VPS53: variants seen among roughly 807,000 people sequenced by gnomAD.
VPS53 encodes vacuolar protein sorting-associated protein 53 homolog.
Under a neutral mutation model 107.0 loss-of-function variants are expected in VPS53, and 70 were observed. The observed-to-expected ratio is 0.65, with a 90% CI of 0.54 to 0.80. The LOEUF is 0.80. VPS53 is among the 30% of genes least tolerant of loss of function. VPS53 has a pLI of 0.00. For synonymous variants in VPS53, 409 were observed against 393.3 expected (o/e 1.04, Z -0.47); for missense variants, 917 against 1,049.4 (o/e 0.87, Z 1.74).
intron 15 of VPS53, 111 bp from the exon 16 acceptor site, chr17:553,573 ACT>A: frequency 4.0e-6 from 3 of 746,714 alleles, no homozygotes; most frequent in South Asian, 2.0e-5. Flanking sequence ...AATTCCATAC[ACT>A]TTTTTTTTTT....
chr17:546,326 A>ATCTC (rs757631749), intron 17 of VPS53, among the ~76,000 whole-genome samples: 3 of 98,328 alleles, frequency 3.1e-5, no homozygotes, highest in Admixed American at 1.2e-4. Context: ...TATCTTAGAT[A>ATCTC]TCTCACACAC....
chr17:538,559 C>T (rs983280111), intron 17 of VPS53: 2 of 152,218 alleles, frequency 1.3e-5, no homozygotes, highest in Non-Finnish European at 2.9e-5. Flanking sequence ...GTGGATGATT[C>T]TCCAGCTGTG....
chr17:628,068 C>T lies in VPS53; in HGVS notation c.831+20G>A. The T allele has an allele frequency of 6.3e-7, 1 of 1,599,752 alleles. No homozygotes were observed. Among genetic ancestry groups the T allele is most frequent in the Non-Finnish European group, 8.5e-7 (1 of 1,174,094 alleles). ...ATAAAATTCAAATGTTACATCTGATCTTATTTGGTCAATACTCACATCTTG... is the reference window on the plus strand; with the variant it reads ...ATAAAATTCAAATGTTACATCTGATTTTATTTGGTCAATACTCACATCTTG... On this transcript the variant is annotated intron_variant, in intron 9 of 21. Coordinates refer to ENST00000437048, the MANE Select transcript of VPS53 (RefSeq NM_001128159.3).
Position 653,320 on chromosome 17 carries a change from C to T in VPS53, c.579G>A (p.Gly193=). ...NVLEHFHKYM[G]IPQIRQLSER... is the part of the protein sequence containing the mutation. ...CGGAAAGCTGCCGGATCTGCGGAAT[C>T]CCCATATACTTGTGGAAGTGCTCCA... Residue 193 remains glycine (G), a synonymous_variant, in exon 7 of 22, where the codon GGG becomes GGA. Coordinates refer to ENST00000437048, the MANE Select transcript of VPS53 (RefSeq NM_001128159.3). 2 of 1,614,176 alleles carry T rather than the reference C, an allele frequency of 1.2e-6. No homozygotes were observed. Among genetic ancestry groups the T allele is most frequent in the Non-Finnish European group, 1.7e-6 (2 of 1,180,050 alleles).
intron 14 of VPS53, among the ~76,000 whole-genome samples, chr17:562,062 G>C (rs1198957057): frequency 2.0e-5 from 3 of 152,166 alleles, no homozygotes; most frequent in Non-Finnish European, 4.4e-5. Flanking sequence ...GAGGGACTTG[G>C]AACCTACTGG....
chr17:521,506 G>A (rs1908742408), intron 20 of VPS53, 95 bp downstream of exon 20: 14 of 1,288,944 alleles, frequency 1.1e-5, no homozygotes, highest in Middle Eastern at 2.0e-4. Context: ...CTTTGAGGCC[G>A]GTGAGGATAG....
At chr17:587,473 G>C (rs889884734) in intron 12 of VPS53, among the ~76,000 whole-genome samples, 5 of 152,216 alleles carry the variant, frequency 3.3e-5, no homozygotes, top group African/African-American at 9.7e-5. Flanking sequence ...GATAGAGAGA[G>C]AGACAGGCAG....
At position 515,971 on chromosome 17, in the gene VPS53, TTTTTG is replaced by T. The variant is rs1382002479; in HGVS notation, c.*3152_*3156del. ...CACCTGCCTGCTTTTTTTTTTTTTT[TTTTTG>T]TATTTTTAGTAGAGATGGGATTTTG... is the stretch of plus-strand genomic sequence containing the variant. On this transcript the variant is annotated 3_prime_UTR_variant, in exon 22 of 22. Coordinates refer to ENST00000437048, the MANE Select transcript of VPS53 (RefSeq NM_001128159.3). The T allele has an allele frequency of 1.3e-5, 2 of 148,462 alleles. No homozygotes were observed. The highest frequency in any genetic ancestry group is 3.0e-5 in the Non-Finnish European group (2 of 67,282). The allele number at this position is 148,462 out of a possible 1,614,324, so 9.2% of individuals were successfully genotyped here.
In VPS53 at chr17:562,572, G is replaced by A; in HGVS notation, c.1487C>T (p.Ala496Val). The A allele has an allele frequency of 6.2e-7, 1 of 1,613,948 alleles. No homozygotes were observed. ...SQLSTGEPMIALTTIFQKYLR... is the reference protein window; with the variant it reads ...SQLSTGEPMIVLTTIFQKYLR... ...GTACTTCTGGAAAATGGTGGTCAGGGCGATCATGGGCTCCCCAGTACTGAG... is the reference window on the plus strand; with the variant it reads ...GTACTTCTGGAAAATGGTGGTCAGGACGATCATGGGCTCCCCAGTACTGAG... The change falls in exon 14 of 22, where the codon GCC becomes GTC. Residue 496 changes from alanine (A) to valine (V), a missense_variant. Ala to Val is a moderately conservative substitution (Grantham distance 64, BLOSUM62 0). Transcript: ENST00000437048.
intron 13 of VPS53, among the ~76,000 whole-genome samples, chr17:578,097 G>T (rs1166477010): frequency 6.6e-6 from 1 of 151,148 alleles, no homozygotes; most frequent in Non-Finnish European, 1.5e-5. Flanking sequence ...ACCTCCCTCA[G>T]AACCTCACTG....
chr17:678,860 C>A (rs929759202), intron 4 of VPS53, among the ~76,000 whole-genome samples: 5 of 151,918 alleles, frequency 3.3e-5, no homozygotes, highest in Non-Finnish European at 7.4e-5. Context: ...AGGATGGTCT[C>A]GATCTCCTGA....
At chr17:686,332 A>C (rs1270005769) in intron 4 of VPS53, among the ~76,000 whole-genome samples, 2 of 152,206 alleles carry the variant, frequency 1.3e-5, no homozygotes, top group African/African-American at 4.8e-5. Flanking sequence ...AGAAGAAAAA[A>C]AAGAAGAATT....
At position 527,664 on chromosome 17, in the gene VPS53, A is replaced by T. The variant is rs1294486032; in HGVS notation, c.2085+5178T>A. On this transcript the variant is annotated intron_variant, in intron 19 of 21. Coordinates refer to ENST00000437048, the MANE Select transcript of VPS53 (RefSeq NM_001128159.3). The stretch of plus-strand genomic sequence containing the variant: ...GGTCTTACTCTGTCACCTGGGCTGG[A>T]ATGCAGTGGTGCAATCATAGCTCAC... 2.0e-5 allele frequency among the ~76,000 whole-genome samples: 3 copies of T among 152,198 alleles called. No homozygotes were observed. The East Asian group carries it at 5.8e-4, about 29-fold the overall frequency.
intron 2 of VPS53, among the ~76,000 whole-genome samples, chr17:708,891 T>G (rs1299333946): frequency 6.6e-6 from 1 of 152,224 alleles, no homozygotes; most frequent in Non-Finnish European, 1.5e-5. Context: ...CTCTACTTAT[T>G]TAACTATTTT....
intron 12 of VPS53, among the ~76,000 whole-genome samples, chr17:597,160 G>A (rs1968014084): frequency 6.6e-6 from 1 of 152,120 alleles, no homozygotes; most frequent in South Asian, 2.1e-4. Context: ...TCTCTTCTCA[G>A]CAGCGAGGCG....
chr17:671,950 A>G (rs898015033), intron 4 of VPS53, among the ~76,000 whole-genome samples: 2 of 151,922 alleles, frequency 1.3e-5, no homozygotes, highest in Admixed American at 1.3e-4. Flanking sequence ...GCCTCCCAAC[A>G]TGCTGGGATT....
At position 519,762 on chromosome 17, in the gene VPS53, C is replaced by G. The variant is rs1908579436; in HGVS notation, c.2328+64G>C. On this transcript the variant is annotated intron_variant, in intron 21 of 21. Coordinates refer to ENST00000437048, the MANE Select transcript of VPS53 (RefSeq NM_001128159.3). This position sits in a 1 kb window ranked among gnomAD's most constrained non-coding sequence, Gnocchi z 5.0. ...CCCCCCGGAACTTATATCCCAATTC[C>G]CGGTTAAGAACCGCTGAGTGTGAGG... 8.1e-7 allele frequency: 1 copy of G among 1,241,196 alleles called. No homozygotes were observed. The highest frequency in any genetic ancestry group is 1.5e-5 in the African/African-American group (1 of 66,408). 76.9% of individuals were successfully genotyped at this position (1,241,196 alleles called of 1,614,324 possible).
intron 11 of VPS53, among the ~76,000 whole-genome samples, chr17:602,802 C>T (rs775859871): frequency 1.3e-5 from 2 of 152,242 alleles, no homozygotes; most frequent in East Asian, 3.8e-4. Context: ...ATCAAGGCAG[C>T]TCTCTGGAAT....
intron 7 of VPS53, 55 bp downstream of exon 7, chr17:653,234 CGG>C (rs1971030549): frequency 6.4e-7 from 1 of 1,552,376 alleles, no homozygotes; most frequent in African/African-American, 1.5e-5. Context: ...GTTTACCTTT[CGG>C]AAAGCTGCCG....
Sources: gnomAD v4.1 joint callset for allele counts (sites outside exome capture counted in the v4.1 genomes callset) on GRCh38, gnomAD v4.1.1 for gene constraint, Gnocchi (gnomAD v3.1) non-coding constraint, MANE v1.5 for transcripts, NCBI Gene and HGNC (gene_info 2026-07-23, HGNC 2026-07-21) for gene names.